Variants in TTLL5 observed in about 807,000 individuals in gnomAD.
TTLL5 encodes the protein tubulin tyrosine ligase like 5.
A neutral mutation model predicts 168.4 loss-of-function variants in TTLL5; 132 were observed. The ratio of observed to expected loss-of-function variants is 0.78; its 90% CI spans 0.68 to 0.91. The LOEUF is 0.91. TTLL5 is among the 40% of genes least tolerant of loss of function. The pLI is 0.00. For missense variants in TTLL5, 1,545 were observed against 1,581.5 expected (o/e 0.98, Z 0.39); for synonymous variants, 546 against 558.6 (o/e 0.98, Z 0.32).
chr14:75,757,929 A>G, intron 18 of TTLL5: 2 of 1,473,916 alleles, frequency 1.4e-6, no homozygotes, highest in Non-Finnish European at 1.8e-6. Context: ...GACCATGCAC[A>G]GACTAAGCAT....
At chr14:75,906,807 C>A (rs1595245886) in intron 31 of TTLL5, 1 of 834,268 alleles carries the variant, frequency 1.2e-6, no homozygotes, top group Non-Finnish European at 1.4e-6. Context: ...GCTTTATAAA[C>A]CAAAACTTAG....
rs139137310 is a variant in TTLL5, at chr14:75,858,552, A to G, written c.3327-5115A>G. Among the ~76,000 whole-genome samples the G allele has an allele frequency of 1.9e-4, 29 of 152,358 alleles. No homozygotes were observed. In the East Asian group the frequency reaches 5.4e-3, roughly 28 times the overall value. On this transcript the variant is annotated intron_variant, in intron 28 of 31. Transcript: ENST00000298832. ...GAAAGAGCATCTATCTGATAGACAA[A>G]CTAGGGTTATTTGGATTTGGATATT...
chr14:75,667,751 G>GTTTTTTT lies in TTLL5; in HGVS notation c.75-1646_75-1640dup, dbSNP rs67181555. 1.9e-3 allele frequency among the ~76,000 whole-genome samples: 167 copies of GTTTTTTT among 89,092 alleles called. 1 individual carries two copies. The highest frequency in any genetic ancestry group is 9.6e-3 in the Middle Eastern group (1 of 104). 58.4% of individuals were successfully genotyped at this position (89,092 alleles called of 152,430 possible). A position where few individuals can be genotyped will look rare whatever the true frequency, so the allele number is the denominator to read the frequency against. On this transcript the variant is annotated intron_variant, in intron 2 of 31. Coordinates refer to ENST00000298832, the MANE Select transcript of TTLL5 (RefSeq NM_015072.5). Reference sequence around the variant, plus strand: ...GCATTCAGAGTGTGGATCTTTTTATGTTTTTTTTTTTTTTTTTTTTTTTTT... The same window carrying GTTTTTTT: ...GCATTCAGAGTGTGGATCTTTTTATGTTTTTTTTTTTTTTTTTTTTTTTTTTTTTTTT...
At chr14:75,883,159 A>G (rs2031909081) in intron 30 of TTLL5, among the ~76,000 whole-genome samples, 1 of 152,246 alleles carries the variant, frequency 6.6e-6, no homozygotes, top group African/African-American at 2.4e-5. Flanking sequence ...TCAATTTCAT[A>G]TAAAATTCAA....
chr14:75,940,609 G>T (rs1320883015), intron 31 of TTLL5, among the ~76,000 whole-genome samples: 1 of 152,144 alleles, frequency 6.6e-6, no homozygotes, highest in Non-Finnish European at 1.5e-5. Flanking sequence ...TCATAACAGG[G>T]TGGTTATTAA....
intron 31 of TTLL5, among the ~76,000 whole-genome samples, chr14:75,924,902 C>T (rs1224545009): frequency 8.6e-5 from 13 of 150,894 alleles, no homozygotes; most frequent in East Asian, 2.0e-4. Context: ...GGCGGCTGGT[C>T]GGGCGGGGGG....
At chr14:75,817,005 A>C (rs1894463309) in intron 27 of TTLL5, among the ~76,000 whole-genome samples, 1 of 139,640 alleles carries the variant, frequency 7.2e-6, no homozygotes, top group Non-Finnish European at 1.5e-5. Context: ...TTTTGAGACA[A>C]GAGTCTCGCT....
chr14:75,944,964 A>G (rs532518901), intron 31 of TTLL5, among the ~76,000 whole-genome samples: 1 of 152,136 alleles, frequency 6.6e-6, no homozygotes, highest in Non-Finnish European at 1.5e-5. Flanking sequence ...CAGTAAACAC[A>G]CTGTGCATGC....
At chr14:75,742,948 A>G (rs1889364558) in intron 15 of TTLL5, among the ~76,000 whole-genome samples, 1 of 152,214 alleles carries the variant, frequency 6.6e-6, no homozygotes, top group South Asian at 2.1e-4. Flanking sequence ...TCATTTTAAC[A>G]TCTACTGTTT....
At position 75,827,707 on chromosome 14, in the gene TTLL5, C is replaced by CTT. The variant is rs561078439; in HGVS notation, c.3326+7576_3326+7577dup. 4.5e-3 allele frequency among the ~76,000 whole-genome samples: 242 copies of CTT among 53,210 alleles called. 26 individuals are homozygous for CTT. Among genetic ancestry groups the CTT allele is most frequent in the African/African-American group, 7.1e-3 (88 of 12,460 alleles). 34.9% of individuals were successfully genotyped at this position (53,210 alleles called of 152,430 possible). Reference sequence around the variant, plus strand: ...AATCAATACCACATTTGGCTTGGTTCTTTTTTTTTTTTTTTTTTTTTTTTT... The same window carrying CTT: ...AATCAATACCACATTTGGCTTGGTTCTTTTTTTTTTTTTTTTTTTTTTTTTTT... On this transcript the variant is annotated intron_variant, in intron 28 of 31. Coordinates refer to ENST00000298832, the MANE Select transcript of TTLL5 (RefSeq NM_015072.5).
rs775916496 is a variant in TTLL5 at position 75,779,671 on chromosome 14, C to T, written c.2484C>T (p.Asn828=). 27 of 1,613,240 alleles carry T rather than the reference C, an allele frequency of 1.7e-5. No homozygotes were observed. Among genetic ancestry groups the T allele is most frequent in the Non-Finnish European group, 2.3e-5 (27 of 1,179,772 alleles). Residue 828 remains asparagine (N), a synonymous_variant, in exon 24 of 32, where the codon AAC becomes AAT. Transcript: ENST00000298832. ...CTCACTCTAAAATTTCTAAGAACAA[C>T]AACAATTATTCTGATAGTGGGGCAA... The part of the protein sequence containing the change: ...LGTHSKISKN[N]NNYSDSGAKG...
intron 6 of TTLL5, among the ~76,000 whole-genome samples, chr14:75,694,041 G>A (rs1197711636): frequency 6.6e-6 from 1 of 152,178 alleles, no homozygotes; most frequent in East Asian, 1.9e-4. Flanking sequence ...GTTCATTGCT[G>A]TTTCTGTTAG....
chr14:75,789,478 A>G (rs1892566023), intron 26 of TTLL5, among the ~76,000 whole-genome samples: 1 of 152,204 alleles, frequency 6.6e-6, no homozygotes, highest in Non-Finnish European at 1.5e-5. Flanking sequence ...GCCAGAAGTG[A>G]CAGAAAACAA....
chr14:75,670,576 C>T (rs1883664320), intron 3 of TTLL5, among the ~76,000 whole-genome samples: 1 of 152,222 alleles, frequency 6.6e-6, no homozygotes, highest in African/African-American at 2.4e-5. Context: ...TCCTCACTAA[C>T]ATTTGATATT....
At chr14:75,869,013 AGTGT>A (rs3138589) in intron 29 of TTLL5, among the ~76,000 whole-genome samples, 9,747 of 124,332 alleles carry the variant, frequency 0.078, 369 homozygotes, top group Admixed American at 0.13. Context: ...AGAGGGGAGG[AGTGT>A]GTGTGTGTGT....
intron 20 of TTLL5, among the ~76,000 whole-genome samples, chr14:75,771,117 A>G (rs1175088670): frequency 7.2e-5 from 11 of 152,162 alleles, no homozygotes; most frequent in Admixed American, 5.9e-4. Flanking sequence ...TTCCCCCAAG[A>G]AAGTTGTTAA....
intron 31 of TTLL5, among the ~76,000 whole-genome samples, chr14:75,948,171 A>T (rs1245706257): frequency 3.1e-5 from 2 of 63,508 alleles, no homozygotes. Flanking sequence ...TTGGAAATTA[A>T]GAAAGAGTTA....
chr14:75,835,889 G>A (rs747349037), intron 28 of TTLL5, among the ~76,000 whole-genome samples: 23 of 152,200 alleles, frequency 1.5e-4, no homozygotes, highest in Non-Finnish European at 2.5e-4. Flanking sequence ...CAAAAGACAA[G>A]TAATGATGCT....
At chr14:75,948,496 A>C (rs1035251107) in intron 31 of TTLL5, among the ~76,000 whole-genome samples, 1 of 152,104 alleles carries the variant, frequency 6.6e-6, no homozygotes, top group Non-Finnish European at 1.5e-5. Flanking sequence ...AAAAAAAAAA[A>C]TCATAATTTT....
Sources: gnomAD v4.1 joint callset for allele counts (sites outside exome capture counted in the v4.1 genomes callset) on GRCh38, gnomAD v4.1.1 for gene constraint, MANE v1.5 for transcripts, NCBI Gene and HGNC (gene_info 2026-07-23, HGNC 2026-07-21) for gene names.